Variants in SMIM35 observed in about 807,000 individuals in gnomAD.
SMIM35 encodes small integral membrane protein 35.
chr11:118,047,165 G>T (rs1183389867), intron 1 of SMIM35, among the ~76,000 whole-genome samples: 2 of 152,192 alleles, frequency 1.3e-5, no homozygotes, highest in Non-Finnish European at 2.9e-5. Context: ...CACACACTTT[G>T]TCCTTGTGTC....
rs538521709 is a variant in SMIM35, at chr11:118,058,025, G to A, written c.7+28726C>T. On this transcript the variant is annotated intron_variant, in intron 1 of 4. Coordinates refer to ENST00000689828, the MANE Select transcript of SMIM35 (RefSeq NM_001394165.1). Reference sequence around the variant, plus strand: ...TACCTGGCTGCAGGGTAGGGTAACCGCAGGCAGGGGATTAAACTCTGTTGA... The same window carrying A: ...TACCTGGCTGCAGGGTAGGGTAACCACAGGCAGGGGATTAAACTCTGTTGA... 7.2e-5 allele frequency among the ~76,000 whole-genome samples: 11 copies of A among 152,310 alleles called. No homozygotes were observed. In the East Asian group the frequency reaches 1.9e-3, roughly 27 times the overall value.
chr11:118,069,323 G>A (rs1327299226), intron 1 of SMIM35, among the ~76,000 whole-genome samples: 5 of 152,080 alleles, frequency 3.3e-5, no homozygotes, highest in Non-Finnish European at 5.9e-5. Flanking sequence ...TCTTCATGCC[G>A]GTAGACCAGG....
chr11:118,048,529 A>G (rs1591297517), intron 1 of SMIM35, among the ~76,000 whole-genome samples: 1 of 138,960 alleles, frequency 7.2e-6, no homozygotes, highest in Non-Finnish European at 1.5e-5. Flanking sequence ...AAAGAAAGGA[A>G]GAAAGAAAGA....
At chr11:118,047,843 C>T (rs1324708788) in intron 1 of SMIM35, among the ~76,000 whole-genome samples, 1 of 152,158 alleles carries the variant, frequency 6.6e-6, no homozygotes. Context: ...CCACATTTGT[C>T]CCAGGGTACT....
intron 1 of SMIM35, among the ~76,000 whole-genome samples, chr11:118,026,645 T>C (rs2058276045): frequency 6.6e-6 from 1 of 152,120 alleles, no homozygotes; most frequent in Admixed American, 6.6e-5. Flanking sequence ...AGGGAAATAA[T>C]GTATCTACCA....
At chr11:118,013,105 C>A (rs1189577635) in intron 4 of SMIM35, among the ~76,000 whole-genome samples, 1 of 152,156 alleles carries the variant, frequency 6.6e-6, no homozygotes, top group Admixed American at 6.5e-5. Flanking sequence ...AGAGGCCTGA[C>A]TCCCCAGGAC....
intron 1 of SMIM35, among the ~76,000 whole-genome samples, chr11:118,076,348 G>A (rs1944685965): frequency 1.3e-5 from 2 of 152,168 alleles, no homozygotes; most frequent in Admixed American, 6.5e-5. Context: ...TCGAGAGGCT[G>A]GAGCACGAGA....
At chr11:118,073,547 C>A (rs1176425808) in intron 1 of SMIM35, among the ~76,000 whole-genome samples, 1 of 152,068 alleles carries the variant, frequency 6.6e-6, no homozygotes, top group Non-Finnish European at 1.5e-5. Context: ...TTGTGAATGC[C>A]GAAAAGAGAC....
At chr11:118,028,783 G>C (rs181299565) in intron 1 of SMIM35, 6 of 451,006 alleles carry the variant, frequency 1.3e-5, no homozygotes, top group African/African-American at 1.2e-4. Flanking sequence ...AGCAAAAGGA[G>C]GAGGAGGAAG....
intron 1 of SMIM35, among the ~76,000 whole-genome samples, chr11:118,058,072 G>A (rs558735254): frequency 2.0e-5 from 3 of 152,292 alleles, no homozygotes; most frequent in South Asian, 2.1e-4. Flanking sequence ...AGTTGACATA[G>A]GGTCATACTG....
intron 1 of SMIM35, among the ~76,000 whole-genome samples, chr11:118,048,590 G>GAAGGAAGGAAGGAAGGAAGC (rs1555074379): frequency 5.8e-5 from 6 of 103,632 alleles, no homozygotes; most frequent in African/African-American, 2.1e-4. Flanking sequence ...AGGAAGGAAG[G>GAAGGAAGGAAGGAAGGAAGC]AAGGAAGCAA....
intron 1 of SMIM35, among the ~76,000 whole-genome samples, chr11:118,069,312 G>A (rs1174490187): frequency 1.3e-5 from 2 of 152,210 alleles, no homozygotes; most frequent in African/African-American, 2.4e-5. Context: ...CCTTTTCTTC[G>A]TCTTCATGCC....
chr11:118,020,774 A>G (rs7929175), intron 1 of SMIM35, among the ~76,000 whole-genome samples: 14,585 of 152,102 alleles, frequency 0.096, 970 homozygotes, highest in East Asian at 0.37. Context: ...AATAAAGGCC[A>G]TTTGCTTTCT....
intron 1 of SMIM35, among the ~76,000 whole-genome samples, chr11:118,077,575 T>C (rs1944755129): frequency 6.6e-6 from 1 of 152,208 alleles, no homozygotes; most frequent in African/African-American, 2.4e-5. Context: ...GACTATTCTT[T>C]CCTGAATCCT....
intron 1 of SMIM35, among the ~76,000 whole-genome samples, chr11:118,037,815 G>A (rs115595657): frequency 0.012 from 1,786 of 152,302 alleles, 28 homozygotes; most frequent in African/African-American, 0.041. Context: ...ACAAAAGGAA[G>A]AATGGGTACT....
At chr11:118,012,188 G>T (rs2058153882) in intron 4 of SMIM35, among the ~76,000 whole-genome samples, 1 of 152,232 alleles carries the variant, frequency 6.6e-6, no homozygotes, top group African/African-American at 2.4e-5. Context: ...TCTAACTGCA[G>T]GTTTCAGCAG....
rs893724602 is a variant in SMIM35 at position 118,041,743 on chromosome 11, T to C, written c.8-25934A>G. 2.6e-5 allele frequency among the ~76,000 whole-genome samples: 4 copies of C among 152,192 alleles called. No individual in the cohort carries two copies. The East Asian group carries it at 7.7e-4, about 29-fold the overall frequency. ...AATGGCCTAATCTTCCAGTTAATCT[T>C]CTAAGACGCTAGAGAAAGAAACACA... On this transcript the variant is annotated intron_variant, in intron 1 of 4. Transcript: ENST00000689828.
At position 118,015,764 on chromosome 11, in the gene SMIM35, A is replaced by T. The variant is rs1446473237; in HGVS notation, c.53T>A (p.Leu18His). Residue 18 changes from leucine (L) to histidine (H), a missense_variant, in exon 2 of 5, where the codon CTC (leucine) becomes CAC (histidine). Leu to His is a moderately conservative substitution (Grantham distance 99, BLOSUM62 -3). Transcript: ENST00000689828. ...GAGGATGGACACGAGCAGCAGCAAGAGCCCCACGCCAAGGATCAGGCCCAA... is the reference window on the plus strand; with the variant it reads ...GAGGATGGACACGAGCAGCAGCAAGTGCCCCACGCCAAGGATCAGGCCCAA... Reference protein sequence around the residue: ...STLGLILGVGLLLLLVSILGY... With the variant: ...STLGLILGVGHLLLLVSILGY... The T allele has an allele frequency of 7.5e-6, 3 of 399,472 alleles. No homozygotes were observed. In the East Asian group the frequency reaches 1.1e-4, roughly 14 times the overall value. 24.7% of individuals were successfully genotyped at this position (399,472 alleles called of 1,614,324 possible). A position where few individuals can be genotyped will look rare whatever the true frequency, so the allele number is the denominator to read the frequency against.
intron 1 of SMIM35, among the ~76,000 whole-genome samples, chr11:118,070,257 GC>G (rs759210188): frequency 6.6e-6 from 1 of 151,460 alleles, no homozygotes; most frequent in Non-Finnish European, 1.5e-5. Flanking sequence ...GCTCACTGCA[GC>G]CTCCGCCTCC....
Sources: gnomAD v4.1 joint callset for allele counts (sites outside exome capture counted in the v4.1 genomes callset) on GRCh38, gnomAD v4.1.1 for gene constraint, MANE v1.5 for transcripts, NCBI Gene and HGNC (gene_info 2026-07-23, HGNC 2026-07-21) for gene names.